The following MAD1L1 variants were observed in gnomAD, a reference collection of about 807,000 sequenced individuals.
MAD1L1 encodes mitotic spindle assembly checkpoint protein MAD1.
Under a neutral mutation model 96.9 loss-of-function variants are expected in MAD1L1, and 95 were observed. That is an observed-to-expected ratio of 0.98 (90% confidence interval 0.83 to 1.16). The LOEUF (loss-of-function observed/expected upper bound fraction) is 1.16, where lower values mean the gene tolerates loss of function less well. MAD1L1 is among the 50% of genes most tolerant of loss of function. The probability of loss-of-function intolerance (pLI) is 0.00; values close to 1 mark genes in which losing one functional copy is unlikely to be tolerated. For synonymous variants in MAD1L1, 473 were observed against 396.6 expected, an observed-to-expected ratio of 1.19 and a Z score of -2.29; for missense variants, 1,007 against 954.4, an observed-to-expected ratio of 1.06 and a Z score of -0.73.
At chr7:1,838,901 G>A in intron 18 of MAD1L1, 2 of 469,338 alleles carry the variant, frequency 4.3e-6, no homozygotes, top group South Asian at 3.1e-5. Context: ...GCACACCCTG[G>A]GGCGGGGAGG....
At chr7:2,121,236 C>A (rs79571559) in intron 11 of MAD1L1, among the ~76,000 whole-genome samples, 1 of 152,364 alleles carries the variant, frequency 6.6e-6, no homozygotes, top group African/African-American at 2.4e-5. Flanking sequence ...GAGGTGTAGG[C>A]GCTGGGTGCT....
intron 17 of MAD1L1, among the ~76,000 whole-genome samples, chr7:1,933,079 C>A (rs1433012740): frequency 1.3e-5 from 2 of 152,170 alleles, no homozygotes; most frequent in African/African-American, 2.4e-5. Context: ...ATTTTCTTTG[C>A]TGGGACAGTG....
At chr7:1,952,214 G>A (rs572918659) in intron 16 of MAD1L1, among the ~76,000 whole-genome samples, 11 of 152,306 alleles carry the variant, frequency 7.2e-5, no homozygotes, top group South Asian at 4.1e-4. Context: ...ACACAGCATC[G>A]GCTGCCGGGA....
At chr7:2,150,453 G>T (rs373906580) in intron 10 of MAD1L1, among the ~76,000 whole-genome samples, 16 of 151,974 alleles carry the variant, frequency 1.1e-4, no homozygotes, top group Admixed American at 1.0e-3. Flanking sequence ...ATGGGCCCCC[G>T]AAACCCTCAT....
At chr7:2,231,975 G>A (rs1452530870) in intron 1 of MAD1L1, among the ~76,000 whole-genome samples, 1 of 152,194 alleles carries the variant, frequency 6.6e-6, no homozygotes, top group Non-Finnish European at 1.5e-5. Flanking sequence ...ACAGGGTGGT[G>A]AATTAGGTCT....
At chr7:2,029,431 G>A (rs556769972) in intron 12 of MAD1L1, among the ~76,000 whole-genome samples, 10 of 152,268 alleles carry the variant, frequency 6.6e-5, no homozygotes, top group African/African-American at 1.7e-4. Context: ...GGTGAACTTG[G>A]GAGCCCTGGT....
At chr7:2,156,863 AAAG>A (rs1789876727) in intron 10 of MAD1L1, among the ~76,000 whole-genome samples, 1 of 152,078 alleles carries the variant, frequency 6.6e-6, no homozygotes, top group African/African-American at 2.4e-5. Flanking sequence ...AAAGAAAAGA[AAAG>A]AAAGAAATAG....
chr7:1,865,051 C>G (rs1041513254), intron 18 of MAD1L1, among the ~76,000 whole-genome samples: 2 of 152,196 alleles, frequency 1.3e-5, no homozygotes, highest in Non-Finnish European at 2.9e-5. Context: ...CCACTGACCA[C>G]GCTCTCACTT....
intron 11 of MAD1L1, among the ~76,000 whole-genome samples, chr7:2,137,705 T>C (rs985894790): frequency 6.6e-6 from 1 of 152,110 alleles, no homozygotes; most frequent in African/African-American, 2.4e-5. Flanking sequence ...CCGGGTCACC[T>C]CAAAGATGCC....
At chr7:2,212,454 T>C (rs533542399) in intron 10 of MAD1L1, among the ~76,000 whole-genome samples, 1 of 152,300 alleles carries the variant, frequency 6.6e-6, no homozygotes, top group African/African-American at 2.4e-5. Context: ...TGGGGCCCCG[T>C]GGGAAGTGTT....
intron 11 of MAD1L1, among the ~76,000 whole-genome samples, chr7:2,102,374 C>T (rs538375519): frequency 2.6e-5 from 4 of 151,340 alleles, no homozygotes; most frequent in South Asian, 2.1e-4. Context: ...CTATCACCAC[C>T]GTCACCATCA....
At chr7:2,136,925 A>G (rs1367438403) in intron 11 of MAD1L1, among the ~76,000 whole-genome samples, 1 of 152,194 alleles carries the variant, frequency 6.6e-6, no homozygotes, top group Non-Finnish European at 1.5e-5. Context: ...AGTTACAGGG[A>G]AACTCAAGAA....
chr7:1,855,828 C>G (rs1156657938), intron 18 of MAD1L1, among the ~76,000 whole-genome samples: 1 of 152,182 alleles, frequency 6.6e-6, no homozygotes, highest in Non-Finnish European at 1.5e-5. Context: ...CTTTCGGGGT[C>G]TGTTACAGCT....
intron 18 of MAD1L1, 169 bp downstream of exon 18, chr7:1,898,031 A>C: frequency 2.8e-6 from 2 of 707,158 alleles, no homozygotes; most frequent in South Asian, 3.5e-5. Flanking sequence ...AAGGCTGAGA[A>C]GCCTCAGGGG....
intron 11 of MAD1L1, among the ~76,000 whole-genome samples, chr7:2,073,642 C>T (rs545891774): frequency 1.4e-5 from 2 of 147,824 alleles, no homozygotes; most frequent in East Asian, 1.9e-4. Flanking sequence ...CTTACAGACC[C>T]GGTCTGAGGA....
At chr7:1,847,595 C>T (rs1401928101) in intron 18 of MAD1L1, 1 of 470,994 alleles carries the variant, frequency 2.1e-6, no homozygotes, top group Middle Eastern at 3.2e-4. Context: ...CCGGGATGCA[C>T]ACAGCATGGA....
intron 10 of MAD1L1, among the ~76,000 whole-genome samples, chr7:2,187,517 GCTA>G (rs1483475783): frequency 6.6e-6 from 1 of 152,172 alleles, no homozygotes; most frequent in Middle Eastern, 3.2e-3. Context: ...GACTGCAATG[GCTA>G]CTGACAGGCA....
intron 17 of MAD1L1, among the ~76,000 whole-genome samples, chr7:1,903,443 G>A (rs998212486): frequency 6.7e-6 from 1 of 149,540 alleles, no homozygotes; most frequent in Non-Finnish European, 1.5e-5. Context: ...ACTGTTCCAG[G>A]CAGCGAGGAT....
intron 16 of MAD1L1, among the ~76,000 whole-genome samples, chr7:1,939,119 C>T (rs1367986956): frequency 1.5e-5 from 2 of 136,936 alleles, no homozygotes; most frequent in African/African-American, 2.8e-5. Flanking sequence ...GCCAGAGGCG[C>T]GCACACACAC....
Sources: allele counts gnomAD v4.1 joint callset (sites outside exome capture counted in the v4.1 genomes callset), GRCh38; gene constraint gnomAD v4.1.1; transcripts MANE v1.5; gene names NCBI Gene and HGNC (gene_info 2026-07-23, HGNC 2026-07-21).